HDAC9: variants seen among roughly 807,000 people sequenced by gnomAD.
HDAC9 encodes the protein histone deacetylase 9.
In HDAC9, 41 loss-of-function variants were observed where a neutral mutation model predicts 139.4. The ratio of observed to expected loss-of-function variants is 0.29; its 90% CI spans 0.23 to 0.38. HDAC9 has a LOEUF of 0.38. Among genes scored for constraint, HDAC9 ranks in the 10% least tolerant of loss-of-function variants. The pLI, the probability that HDAC9 is intolerant of heterozygous loss-of-function variation, is 1.00. For synonymous variants in HDAC9, 517 were observed against 476.2 expected (o/e 1.09, Z -1.12); for missense variants, 1,147 against 1,297.0 (o/e 0.88, Z 1.78).
In HDAC9 at chr7:18,984,982, C is replaced by G. The variant is rs551762212; in HGVS notation, c.3170+9029C>G. Among the ~76,000 whole-genome samples the G allele has an allele frequency of 2.6e-5, 4 of 152,146 alleles. No homozygotes were observed. The East Asian group carries it at 7.7e-4, about 29-fold the overall frequency. On this transcript the variant is annotated intron_variant, in intron 25 of 25. Transcript: ENST00000686413. ...GCCTTGTGATATGAGGGAATATATT[C>G]CCAATCACACATTTAGGTGTAGAAT...
chr7:18,802,545 A>G (rs542849842), intron 17 of HDAC9, among the ~76,000 whole-genome samples: 4 of 152,034 alleles, frequency 2.6e-5, no homozygotes, highest in African/African-American at 7.2e-5. Flanking sequence ...TTGTTAAAAT[A>G]GTCCATATTT....
intron 2 of HDAC9, among the ~76,000 whole-genome samples, chr7:18,572,906 T>G (rs1351106726): frequency 6.6e-6 from 1 of 152,196 alleles, no homozygotes; most frequent in Non-Finnish European, 1.5e-5. Flanking sequence ...CAGTTCATGT[T>G]TGTGTTATGG....
chr7:18,282,898 T>C (rs1317902411), intron 2 of HDAC9, among the ~76,000 whole-genome samples: 1 of 148,642 alleles, frequency 6.7e-6, no homozygotes, highest in Non-Finnish European at 1.5e-5. Context: ...TGAATATGTT[T>C]TAGGCCCTGC....
At chr7:18,169,243 AG>A (rs1015193165) in intron 2 of HDAC9, among the ~76,000 whole-genome samples, 5 of 151,930 alleles carry the variant, frequency 3.3e-5, no homozygotes, top group Non-Finnish European at 5.9e-5. Context: ...AGCCTGCAAA[AG>A]TATTTTTTAT....
chr7:18,591,006 G>T (rs775740974), intron 4 of HDAC9, among the ~76,000 whole-genome samples: 2 of 152,152 alleles, frequency 1.3e-5, no homozygotes, highest in African/African-American at 4.8e-5. Flanking sequence ...TCGTAGCAAA[G>T]TTTAAAATTT....
At position 18,219,191 on chromosome 7, in the gene HDAC9, G is replaced by T. The variant is rs965940971; in HGVS notation, c.25+56842G>T. On this transcript the variant is annotated intron_variant, in intron 2 of 12. Coordinates refer to the HDAC9 transcript ENST00000417496. The stretch of plus-strand genomic sequence containing the variant: ...AGAGTCTTATTCTTGAATCTATGTA[G>T]TATTTTTCTTCTTGATTTTTAAAGG... Among the ~76,000 whole-genome samples, 254 of 152,122 alleles carry T rather than the reference G, an allele frequency of 1.7e-3. 3 individuals are homozygous for T. Among genetic ancestry groups the T allele is most frequent in the African/African-American group, 5.9e-3 (247 of 41,536 alleles).
intron 24 of HDAC9, 70 bp from the exon 25 acceptor site, chr7:18,975,736 G>C: frequency 7.0e-7 from 1 of 1,420,318 alleles, no homozygotes; most frequent in Non-Finnish European, 9.9e-7. Flanking sequence ...TGAGTTGGAC[G>C]TATGTGAGTA....
intron 12 of HDAC9, among the ~76,000 whole-genome samples, chr7:18,669,879 G>T (rs1795559108): frequency 6.6e-6 from 1 of 151,740 alleles, no homozygotes; most frequent in African/African-American, 2.4e-5. Context: ...TGGTGAAGGT[G>T]GTTGATGAAG....
intron 13 of HDAC9, among the ~76,000 whole-genome samples, chr7:18,732,958 T>TATACACAC (rs1171131185): frequency 5.9e-5 from 8 of 135,148 alleles, no homozygotes; most frequent in Non-Finnish European, 1.2e-4. Flanking sequence ...CGTGTATGTG[T>TATACACAC]GTGTATGTGT....
chr7:18,254,897 A>G (rs1014573328), intron 2 of HDAC9, among the ~76,000 whole-genome samples: 2 of 152,216 alleles, frequency 1.3e-5, no homozygotes, highest in African/African-American at 2.4e-5. Flanking sequence ...AAACCATGTC[A>G]TGAATAACCA....
intron 1 of HDAC9, among the ~76,000 whole-genome samples, chr7:18,409,927 G>T (rs1788384202): frequency 6.6e-6 from 1 of 152,148 alleles, no homozygotes; most frequent in South Asian, 2.1e-4. Context: ...ATAGTGATAT[G>T]AATTAGCTTT....
rs956984543 is a variant in HDAC9, at chr7:18,136,540, A to G, written c.-96-25689A>G. 4.1e-3 allele frequency among the ~76,000 whole-genome samples: 624 copies of G among 152,212 alleles called. 4 individuals carry two copies. The highest frequency in any genetic ancestry group is 9.2e-3 in the African/African-American group (384 of 41,540). The stretch of plus-strand genomic sequence containing the variant: ...TACATATGGCTAGCCAATTTTCCCA[A>G]CACCATTTATTAAATAGGGAATCCT... On this transcript the variant is annotated intron_variant, in intron 1 of 12. Transcript: ENST00000417496.
At chr7:18,872,227 T>C (rs1239974883) in intron 21 of HDAC9, among the ~76,000 whole-genome samples, 2 of 152,134 alleles carry the variant, frequency 1.3e-5, no homozygotes, top group Non-Finnish European at 2.9e-5. Context: ...TTCTTACTTT[T>C]TGGAATGAGT....
At chr7:18,982,769 T>A (rs756145145) in intron 25 of HDAC9, among the ~76,000 whole-genome samples, 1 of 152,202 alleles carries the variant, frequency 6.6e-6, no homozygotes, top group Non-Finnish European at 1.5e-5. Flanking sequence ...TTTCACCTCA[T>A]TAAGCATGTT....
At chr7:18,148,541 C>T (rs1786515439) in intron 1 of HDAC9, among the ~76,000 whole-genome samples, 1 of 152,156 alleles carries the variant, frequency 6.6e-6, no homozygotes, top group South Asian at 2.1e-4. Flanking sequence ...ACTGCAACCT[C>T]CGCCTCCCGG....
At chr7:18,953,860 C>T (rs1323457502) in intron 23 of HDAC9, among the ~76,000 whole-genome samples, 1 of 152,044 alleles carries the variant, frequency 6.6e-6, no homozygotes, top group African/African-American at 2.4e-5. Context: ...AAAAATTACA[C>T]AAATAACTCA....
chr7:18,974,043 C>T (rs1784408513), intron 24 of HDAC9, among the ~76,000 whole-genome samples: 1 of 152,170 alleles, frequency 6.6e-6, no homozygotes, highest in Admixed American at 6.5e-5. Context: ...CCATAGCAGT[C>T]TCATCCATCC....
At chr7:18,314,280 A>G (rs1364486222) in intron 1 of HDAC9, among the ~76,000 whole-genome samples, 1 of 152,224 alleles carries the variant, frequency 6.6e-6, no homozygotes, top group East Asian at 1.9e-4. Context: ...CCAAAGGGAT[A>G]GTGTCCCATT....
intron 17 of HDAC9, among the ~76,000 whole-genome samples, chr7:18,817,221 G>C (rs1794635906): frequency 6.6e-6 from 1 of 152,000 alleles, no homozygotes; most frequent in Non-Finnish European, 1.5e-5. Context: ...TTTTTTAGTA[G>C]AGACGGGTTT....
Sources: gnomAD v4.1 joint callset for allele counts (sites outside exome capture counted in the v4.1 genomes callset) on GRCh38, gnomAD v4.1.1 for gene constraint, MANE v1.5 for transcripts, NCBI Gene and HGNC (gene_info 2026-07-23, HGNC 2026-07-21) for gene names.